TRAPPC9: variants seen among roughly 807,000 people sequenced by gnomAD.
TRAPPC9 encodes IKK2 binding protein.
TRAPPC9 carries 83 observed loss-of-function variants against 124.0 expected under a neutral mutation model. The observed-to-expected ratio is 0.67, with a 90% CI of 0.56 to 0.80. The LOEUF is 0.80. TRAPPC9 is among the 30% of genes least tolerant of loss of function. The probability of loss-of-function intolerance (pLI) is 0.00; values close to 1 mark genes in which losing one functional copy is unlikely to be tolerated. For synonymous variants in TRAPPC9, 638 were observed against 617.5 expected (o/e 1.03, Z -0.49); for missense variants, 1,302 against 1,508.3 (o/e 0.86, Z 2.27).
rs1327001941 is a variant in TRAPPC9 at position 140,416,269 on chromosome 8, A to G, written c.886+10346T>C. ...TATTATGAACAATTATACACCAATG[A>G]ATTATCTAATTTAGATGAGTTGGGC... On this transcript the variant is annotated intron_variant, in intron 5 of 22. Coordinates refer to ENST00000438773, the MANE Select transcript of TRAPPC9 (RefSeq NM_001160372.4). Among the ~76,000 whole-genome samples, 8 of 152,218 alleles carry G rather than the reference A, an allele frequency of 5.3e-5. No homozygotes were observed. In the East Asian group the frequency reaches 1.5e-3, roughly 29 times the overall value.
intron 21 of TRAPPC9, among the ~76,000 whole-genome samples, chr8:139,828,724 T>G (rs1825790944): frequency 6.6e-6 from 1 of 152,188 alleles, no homozygotes; most frequent in South Asian, 2.1e-4. Context: ...AGCGAGCAAC[T>G]TGAAGGAACG....
At chr8:139,864,947 A>C (rs1455330454) in intron 21 of TRAPPC9, among the ~76,000 whole-genome samples, 1 of 152,226 alleles carries the variant, frequency 6.6e-6, no homozygotes, top group Admixed American at 6.5e-5. Context: ...CGCAGGAACC[A>C]TGTCTGAACA....
intron 16 of TRAPPC9, among the ~76,000 whole-genome samples, chr8:140,237,574 A>G (rs1469448885): frequency 6.6e-6 from 1 of 152,010 alleles, no homozygotes; most frequent in African/African-American, 2.4e-5. Context: ...AGTGCAGAAA[A>G]GCTGGAGAAC....
chr8:139,805,762 T>G (rs573767750), intron 21 of TRAPPC9, among the ~76,000 whole-genome samples: 1 of 152,136 alleles, frequency 6.6e-6, no homozygotes, highest in Non-Finnish European at 1.5e-5. Flanking sequence ...ACCCAGAGAA[T>G]GCGGCCTCAG....
chr8:140,350,456 C>T (rs546624275), intron 9 of TRAPPC9, among the ~76,000 whole-genome samples: 3 of 152,334 alleles, frequency 2.0e-5, no homozygotes, highest in Non-Finnish European at 4.4e-5. Context: ...AGTGGCAAAG[C>T]GGTGTGCAGG....
At chr8:139,863,022 G>T (rs1170692872) in intron 21 of TRAPPC9, among the ~76,000 whole-genome samples, 2 of 152,346 alleles carry the variant, frequency 1.3e-5, no homozygotes, top group African/African-American at 4.8e-5. Flanking sequence ...ACACAGAGGG[G>T]AGGGCTCTGA....
chr8:140,272,098 G>A (rs1170143191), intron 15 of TRAPPC9, among the ~76,000 whole-genome samples: 1 of 86,938 alleles, frequency 1.2e-5, no homozygotes. Flanking sequence ...TTGATGATGA[G>A]GTGATTGTGG....
chr8:140,007,463 G>A lies in TRAPPC9; in HGVS notation c.2699+16474C>T, dbSNP rs1471126529. On this transcript the variant is annotated intron_variant, in intron 18 of 22. Coordinates refer to ENST00000438773, the MANE Select transcript of TRAPPC9 (RefSeq NM_001160372.4). Reference sequence around the variant, plus strand: ...CCAAATTCACAAGAAATTATTTGTAGAAAAGTACTTGCAAATAACAACCTG... The same window carrying A: ...CCAAATTCACAAGAAATTATTTGTAAAAAAGTACTTGCAAATAACAACCTG... 3.9e-5 allele frequency among the ~76,000 whole-genome samples: 6 copies of A among 152,178 alleles called. No homozygotes were observed. In the East Asian group the frequency reaches 1.2e-3, roughly 29 times the overall value.
At chr8:140,144,298 T>A (rs143196587) in intron 17 of TRAPPC9, among the ~76,000 whole-genome samples, 328 of 152,304 alleles carry the variant, frequency 2.2e-3, no homozygotes, top group African/African-American at 7.1e-3. Flanking sequence ...AAATATTGAG[T>A]CTTCTAATCC....
At chr8:139,792,288 T>C (rs899931194) in intron 21 of TRAPPC9, among the ~76,000 whole-genome samples, 1 of 152,080 alleles carries the variant, frequency 6.6e-6, no homozygotes, top group Non-Finnish European at 1.5e-5. Flanking sequence ...CTGGAGGACA[T>C]GCCTAAGTGG....
intron 9 of TRAPPC9, among the ~76,000 whole-genome samples, chr8:140,322,356 C>G (rs1252408864): frequency 6.6e-6 from 1 of 152,206 alleles, no homozygotes; most frequent in Non-Finnish European, 1.5e-5. Context: ...AACTGCAGAT[C>G]AGATTGGCAA....
intron 17 of TRAPPC9, among the ~76,000 whole-genome samples, chr8:140,088,724 T>C (rs1280774317): frequency 6.6e-6 from 1 of 152,258 alleles, no homozygotes; most frequent in African/African-American, 2.4e-5. Context: ...TAAAGAGACC[T>C]GATAGGGAAT....
chr8:140,458,339 GC>G (rs369817525), upstream of TRAPPC9: 1 of 1,584,490 alleles, frequency 6.3e-7, no homozygotes, highest in Non-Finnish European at 8.6e-7. Context: ...AGGGGTGGAG[GC>G]CCCGCGGAAG....
At chr8:139,749,841 A>G (rs374504783) in intron 21 of TRAPPC9, among the ~76,000 whole-genome samples, 8 of 152,006 alleles carry the variant, frequency 5.3e-5, no homozygotes, top group African/African-American at 1.9e-4. Flanking sequence ...CCCAGTGGAG[A>G]GCACCTCCCT....
intron 15 of TRAPPC9, among the ~76,000 whole-genome samples, chr8:140,269,281 C>A (rs1219838678): frequency 1.3e-5 from 2 of 152,038 alleles, no homozygotes; most frequent in Non-Finnish European, 2.9e-5. Context: ...GTGGCTCATG[C>A]CTGTAATCCC....
intron 17 of TRAPPC9, among the ~76,000 whole-genome samples, chr8:140,046,262 G>A (rs985446514): frequency 1.3e-5 from 2 of 152,270 alleles, no homozygotes; most frequent in Non-Finnish European, 2.9e-5. Flanking sequence ...CCAGGTCTTC[G>A]CCGACGGCTA....
chr8:140,085,813 C>T (rs1360968884), intron 17 of TRAPPC9, among the ~76,000 whole-genome samples: 1 of 152,192 alleles, frequency 6.6e-6, no homozygotes, highest in African/African-American at 2.4e-5. Context: ...GGAGCCACAG[C>T]CTATCTCTGT....
chr8:140,301,723 AC>A (rs1455245256), intron 10 of TRAPPC9, among the ~76,000 whole-genome samples: 1 of 152,168 alleles, frequency 6.6e-6, no homozygotes, highest in Non-Finnish European at 1.5e-5. Flanking sequence ...AGGTGAGGCC[AC>A]CTGAGGAGCT....
chr8:140,113,067 T>C (rs1468991822), intron 17 of TRAPPC9, among the ~76,000 whole-genome samples: 2 of 152,196 alleles, frequency 1.3e-5, no homozygotes, highest in African/African-American at 4.8e-5. Flanking sequence ...TTTGCTTACT[T>C]ATATATGAGA....
Sources: gnomAD v4.1 joint callset for allele counts (sites outside exome capture counted in the v4.1 genomes callset) on GRCh38, gnomAD v4.1.1 for gene constraint, MANE v1.5 for transcripts, NCBI Gene and HGNC (gene_info 2026-07-23, HGNC 2026-07-21) for gene names.